Variants in SUPT3H observed in about 807,000 individuals in gnomAD.
The protein encoded by SUPT3H is SPT3 homolog, SAGA and STAGA complex component.
In SUPT3H, 44 loss-of-function variants were observed where a neutral mutation model predicts 44.3. That is an observed-to-expected ratio of 0.99 (90% CI 0.78 to 1.28). The LOEUF is 1.28. Among genes scored for constraint, SUPT3H ranks in the 50% most tolerant of loss-of-function variants. The pLI, the probability that SUPT3H is intolerant of heterozygous loss-of-function variation, is 0.00. For synonymous variants in SUPT3H, 124 were observed against 125.6 expected (o/e 0.99, Z 0.09); for missense variants, 380 against 387.1 (o/e 0.98, Z 0.15).
chr6:45,272,415 C>A (rs150553541), intron 2 of SUPT3H, among the ~76,000 whole-genome samples: 1 of 152,048 alleles, frequency 6.6e-6, no homozygotes, highest in East Asian at 1.9e-4. Flanking sequence ...AAAGGAAACC[C>A]GTTTAACTTG....
At chr6:45,122,566 A>T (rs932650347) in intron 2 of SUPT3H, among the ~76,000 whole-genome samples, 2 of 152,200 alleles carry the variant, frequency 1.3e-5, no homozygotes, top group African/African-American at 4.8e-5. Context: ...TTTGGTAACT[A>T]ACTTTATTCC....
At chr6:44,903,552 C>CA (rs1406845167) in intron 10 of SUPT3H, among the ~76,000 whole-genome samples, 1 of 151,942 alleles carries the variant, frequency 6.6e-6, no homozygotes, top group Non-Finnish European at 1.5e-5. Flanking sequence ...GCTTACCTAC[C>CA]AAAAAAAGTC....
intron 3 of SUPT3H, among the ~76,000 whole-genome samples, chr6:45,050,878 A>ATTTTTTTTTTT (rs35575281): frequency 2.3e-5 from 2 of 86,172 alleles, no homozygotes; most frequent in Non-Finnish European, 2.2e-5. Flanking sequence ...AGGGTATGGG[A>ATTTTTTTTTTT]TTTTTTTTTT....
chr6:45,272,014 T>C (rs193040582), intron 2 of SUPT3H, among the ~76,000 whole-genome samples: 5 of 152,272 alleles, frequency 3.3e-5, no homozygotes, highest in South Asian at 2.1e-4. Flanking sequence ...ATTTCTCCCA[T>C]TTGGAATGGC....
Position 45,304,232 on chromosome 6 carries a change from T to C in SUPT3H, c.101+60969A>G, listed in dbSNP as rs758163375. Among the ~76,000 whole-genome samples, 5 of 152,130 alleles carry C rather than the reference T, an allele frequency of 3.3e-5. No homozygotes were observed. The East Asian group carries it at 5.8e-4, about 18-fold the overall frequency. ...ATAATTATATTTCACTTAAAATATA[T>C]TAAAAGACATTTAAAACTGCTTTAT... On this transcript the variant is annotated intron_variant, in intron 2 of 10. Transcript: ENST00000371459.
intron 10 of SUPT3H, among the ~76,000 whole-genome samples, chr6:44,870,388 G>A (rs1264023053): frequency 6.6e-6 from 1 of 152,098 alleles, no homozygotes; most frequent in African/African-American, 2.4e-5. Flanking sequence ...CTTGAGGCCA[G>A]GAGCTCAAGA....
intron 2 of SUPT3H, among the ~76,000 whole-genome samples, chr6:45,217,893 A>G (rs1415684536): frequency 9.4e-6 from 1 of 106,194 alleles, no homozygotes; most frequent in East Asian, 3.4e-4. Context: ...CTGTCTCAAA[A>G]GAAAAAGAAA....
intron 6 of SUPT3H, among the ~76,000 whole-genome samples, chr6:44,981,444 C>T (rs1562192192): frequency 2.0e-5 from 3 of 152,108 alleles, no homozygotes; most frequent in African/African-American, 4.8e-5. Flanking sequence ...AATACGATTC[C>T]AACCCAATCC....
At chr6:45,351,359 C>T (rs762944977) in intron 2 of SUPT3H, among the ~76,000 whole-genome samples, 5 of 152,174 alleles carry the variant, frequency 3.3e-5, no homozygotes, top group East Asian at 1.9e-4. Flanking sequence ...GGCATACTTA[C>T]GTACCAGGCA....
At chr6:45,255,107 T>C (rs1435817128) in intron 2 of SUPT3H, among the ~76,000 whole-genome samples, 2 of 152,210 alleles carry the variant, frequency 1.3e-5, no homozygotes, top group African/African-American at 4.8e-5. Context: ...TATTAGTTGC[T>C]GCTAATCTCA....
intron 2 of SUPT3H, among the ~76,000 whole-genome samples, chr6:45,266,880 A>G (rs758928190): frequency 6.6e-6 from 1 of 152,126 alleles, no homozygotes; most frequent in African/African-American, 2.4e-5. Context: ...TCCAAAATCC[A>G]AAAGTTTTTG....
intron 2 of SUPT3H, among the ~76,000 whole-genome samples, chr6:45,202,329 A>T (rs1453153675): frequency 2.0e-5 from 3 of 151,892 alleles, no homozygotes; most frequent in East Asian, 1.9e-4. Flanking sequence ...GAAACGGTTT[A>T]AAAAAAATTT....
At chr6:45,065,734 C>T (rs1583345600) in intron 3 of SUPT3H, among the ~76,000 whole-genome samples, 1 of 151,584 alleles carries the variant, frequency 6.6e-6, no homozygotes, top group Non-Finnish European at 1.5e-5. Flanking sequence ...TTCCTCAACA[C>T]ATACACTCTC....
At chr6:45,176,283 C>G (rs6903571) in intron 2 of SUPT3H, among the ~76,000 whole-genome samples, 93,094 of 149,768 alleles carry the variant, frequency 0.62, 29,509 homozygotes, top group African/African-American at 0.77. Flanking sequence ...GGGTCAAGAA[C>G]TTCCCTTTCC....
chr6:45,177,006 G>C (rs1182595982), intron 2 of SUPT3H, among the ~76,000 whole-genome samples: 3 of 152,330 alleles, frequency 2.0e-5, no homozygotes, highest in African/African-American at 7.2e-5. Flanking sequence ...CTAAAAAACA[G>C]AGTGCCTCTC....
intron 2 of SUPT3H, among the ~76,000 whole-genome samples, chr6:45,299,814 AT>A (rs1342805876): frequency 1.3e-5 from 2 of 151,974 alleles, no homozygotes; most frequent in Admixed American, 6.6e-5. Flanking sequence ...TCTCAAATAC[AT>A]ACAAAAGTAG....
intron 10 of SUPT3H, among the ~76,000 whole-genome samples, chr6:44,886,143 G>T (rs1762247097): frequency 1.3e-5 from 2 of 152,216 alleles, no homozygotes; most frequent in South Asian, 4.1e-4. Context: ...AGTCTGATTG[G>T]TGTTCCTGAA....
intron 2 of SUPT3H, among the ~76,000 whole-genome samples, chr6:45,132,011 A>AT (rs1803544207): frequency 6.6e-6 from 1 of 152,216 alleles, no homozygotes; most frequent in Admixed American, 6.5e-5. Context: ...GCACAGTAAG[A>AT]TATTAACAAC....
intron 2 of SUPT3H, among the ~76,000 whole-genome samples, chr6:45,239,679 A>G (rs1181496553): frequency 6.6e-6 from 1 of 152,210 alleles, no homozygotes; most frequent in African/African-American, 2.4e-5. Flanking sequence ...GCAGTGTTTT[A>G]CAGTGATAGG....
Sources: allele counts gnomAD v4.1 joint callset (sites outside exome capture counted in the v4.1 genomes callset), GRCh38; gene constraint gnomAD v4.1.1; transcripts MANE v1.5; gene names NCBI Gene and HGNC (gene_info 2026-07-23, HGNC 2026-07-21).